The following TAF4 variants were observed in gnomAD, a reference collection of about 807,000 sequenced individuals.
TAF4 encodes the protein transcription initiation factor TFIID subunit 4.
TAF4 carries 9 observed loss-of-function variants against 90.3 expected under a neutral mutation model. The ratio of observed to expected loss-of-function variants is 0.10; its 90% CI spans 0.06 to 0.17. The LOEUF (loss-of-function observed/expected upper bound fraction) is 0.17. Ranked by LOEUF, TAF4 falls within the 10% of genes least tolerant of loss-of-function variation. TAF4 has a pLI of 1.00. For synonymous variants in TAF4, 818 were observed against 638.9 expected, an observed-to-expected ratio of 1.28 and a Z score of -4.23; for missense variants, 1,351 against 1,370.7, an observed-to-expected ratio of 0.99 and a Z score of 0.23.
chr20:61,984,855 G>C (rs1335620846), intron 14 of TAF4, among the ~76,000 whole-genome samples: 3 of 132,130 alleles, frequency 2.3e-5, no homozygotes, highest in Non-Finnish European at 1.6e-5. Flanking sequence ...CAAAAATGGA[G>C]GGACGGGGAC....
In TAF4 at chr20:62,064,714, G is replaced by C. The variant is rs758645785; in HGVS notation, c.1097C>G (p.Pro366Arg). The change falls in exon 1 of 15, where the codon CCG becomes CGG. Residue 366 changes from proline (P) to arginine (R), a missense_variant. Physicochemically the swap from Pro to Arg is moderately radical, Grantham distance 103 (BLOSUM62 -2). Transcript: ENST00000252996. ...GACCATGCTGGCCGCCGTGCTGGCC[G>C]GGCCGCTGGCCGCCAGGGTCTGCGC... ...PAAQTLAASG[P>R]ASTAASMVIG... 1.6e-6 allele frequency: 2 copies of C among 1,234,302 alleles called. No individual in the cohort carries two copies. Among genetic ancestry groups the C allele is most frequent in the Non-Finnish European group, 2.0e-6 (2 of 991,112 alleles). The allele number at this position is 1,234,302 out of a possible 1,614,324, so 76.5% of individuals were successfully genotyped here.
Position 61,999,081 on chromosome 20 carries a change from C to G in TAF4, c.2815G>C (p.Asp939His). 1 of 1,614,182 alleles carries G rather than the reference C, an allele frequency of 6.2e-7. No homozygotes were observed. The highest frequency in any genetic ancestry group is 8.5e-7 in the Non-Finnish European group (1 of 1,180,048). ...KDDDRYEQAS[D>H]VRAQLKFFEQ... ...AAAAACTTGAGCTGTGCCCGGACGT[C>G]ACTCGCCTGCTCATATCTGTCGTCA... Residue 939 changes from aspartate (D) to histidine (H), a missense_variant, in exon 12 of 15, where the codon GAC becomes CAC. Physicochemically the swap from Asp to His is moderately conservative, Grantham distance 81 (BLOSUM62 -1). This residue lies in a region of TAF4 where 95 missense variants were observed against 151.3 expected (regional missense o/e 0.63). Coordinates refer to ENST00000252996, the MANE Select transcript of TAF4 (RefSeq NM_003185.4).
intron 1 of TAF4, among the ~76,000 whole-genome samples, chr20:62,045,000 G>C (rs1441069414): frequency 6.6e-6 from 1 of 152,208 alleles, no homozygotes; most frequent in African/African-American, 2.4e-5. Context: ...TCAGCCCAGG[G>C]GGAGAAAAGA....
At chr20:62,036,325 CATTA>C (rs1160480656) in intron 1 of TAF4, among the ~76,000 whole-genome samples, 1 of 152,180 alleles carries the variant, frequency 6.6e-6, no homozygotes, top group Admixed American at 6.5e-5. Flanking sequence ...GCGCCTGGCT[CATTA>C]ATTAATTTTT....
chr20:62,046,132 G>T (rs981401606), intron 1 of TAF4, among the ~76,000 whole-genome samples: 1 of 152,142 alleles, frequency 6.6e-6, no homozygotes, highest in Non-Finnish European at 1.5e-5. Context: ...AGACACAAAT[G>T]ACAACCACAG....
At chr20:62,007,325 C>G (rs1030450734) in intron 6 of TAF4, among the ~76,000 whole-genome samples, 8 of 152,218 alleles carry the variant, frequency 5.3e-5, no homozygotes, top group African/African-American at 1.9e-4. Context: ...ACCTTGCGCA[C>G]GACAGAACCA....
intron 14 of TAF4, 103 bp from the exon 15 acceptor site, chr20:61,976,438 A>T: frequency 1.4e-6 from 2 of 1,402,008 alleles, no homozygotes; most frequent in Non-Finnish European, 2.0e-6. Flanking sequence ...AGAGGAGGCC[A>T]GGCCTGGCAC....
chr20:62,054,891 G>A (rs140642883), intron 1 of TAF4, among the ~76,000 whole-genome samples: 42 of 151,970 alleles, frequency 2.8e-4, no homozygotes, highest in Middle Eastern at 6.8e-3. Flanking sequence ...ACCAGCCACC[G>A]ACATTCCCTC....
intron 1 of TAF4, among the ~76,000 whole-genome samples, chr20:62,033,691 T>C (rs6142929): frequency 0.69 from 104,359 of 150,260 alleles, 36,346 homozygotes; most frequent in Middle Eastern, 0.79. Flanking sequence ...GAGATGAGAT[T>C]GTGCTATTGC....
intron 1 of TAF4, among the ~76,000 whole-genome samples, chr20:62,049,632 T>TGCCCCAGCCACGCACCCTGCCC (rs2056014709): frequency 1.4e-5 from 2 of 141,570 alleles, no homozygotes; most frequent in South Asian, 2.3e-4. Flanking sequence ...GATCCCTGCC[T>TGCCCCAGCCACGCACCCTGCCC]GCCCCAGCCC....
rs545455242 is a variant in TAF4, at chr20:62,018,819, T to A, written c.1361-4112A>T. 7.2e-5 allele frequency among the ~76,000 whole-genome samples: 11 copies of A among 152,328 alleles called. No homozygotes were observed. In the South Asian group the frequency reaches 1.7e-3, roughly 23 times the overall value. ...AACACGACATCCGTCCCAAAGACCC[T>A]CAGCATCCTCGTCCAACCAAGATGG... On this transcript the variant is annotated intron_variant, in intron 1 of 14. Transcript: ENST00000252996.
chr20:62,022,277 G>A (rs533623133), intron 1 of TAF4, among the ~76,000 whole-genome samples: 16 of 152,162 alleles, frequency 1.1e-4, no homozygotes, highest in Admixed American at 3.3e-4. Context: ...ATGGAGAGGT[G>A]GGAAGGGTCA....
At chr20:62,028,663 G>C (rs1312419534) in intron 1 of TAF4, among the ~76,000 whole-genome samples, 1 of 152,192 alleles carries the variant, frequency 6.6e-6, no homozygotes, top group African/African-American at 2.4e-5. Context: ...CCTGGGAGCA[G>C]AGCCCTGCTG....
At chr20:61,979,647 C>T (rs2123090067) in intron 14 of TAF4, among the ~76,000 whole-genome samples, 1 of 144,468 alleles carries the variant, frequency 6.9e-6, no homozygotes, top group South Asian at 2.2e-4. Context: ...GCGGCCCGTG[C>T]AGGCGCCATG....
chr20:61,998,874 A>G (rs1238863077), intron 12 of TAF4, 109 bp downstream of exon 12: 7 of 1,451,252 alleles, frequency 4.8e-6, no homozygotes, highest in Non-Finnish European at 4.6e-6. Context: ...CTTCAAGGCC[A>G]GCCCAAAACA....
intron 14 of TAF4, among the ~76,000 whole-genome samples, chr20:61,982,230 T>G (rs55742737): frequency 9.3e-5 from 1 of 10,776 alleles, no homozygotes; most frequent in African/African-American, 4.2e-4. Context: ...CCACACCCAC[T>G]GAGAGGAAAC....
At chr20:62,033,140 G>T (rs2055913554) in intron 1 of TAF4, among the ~76,000 whole-genome samples, 1 of 152,188 alleles carries the variant, frequency 6.6e-6, no homozygotes, top group South Asian at 2.1e-4. Flanking sequence ...CAGGAGAAGA[G>T]TGAGGCCACA....
Position 62,043,563 on chromosome 20 carries a change from G to A in TAF4, c.1360+20888C>T, listed in dbSNP as rs562302329. Among the ~76,000 whole-genome samples, 8 of 152,240 alleles carry A rather than the reference G, an allele frequency of 5.3e-5. No homozygotes were observed. In the East Asian group the frequency reaches 1.5e-3, roughly 29 times the overall value. ...GTCCCAGGCCTCTCAGACTCCCGCA[G>A]AGCAACACCCAGTCCTGCAAGCGCC... On this transcript the variant is annotated intron_variant, in intron 1 of 14. Transcript: ENST00000252996.
At chr20:61,983,306 A>G (rs1699897101) in intron 14 of TAF4, among the ~76,000 whole-genome samples, 1 of 152,166 alleles carries the variant, frequency 6.6e-6, no homozygotes, top group South Asian at 2.1e-4. Flanking sequence ...AAAAAAAAAA[A>G]AATCAATTAA....
Sources: allele counts gnomAD v4.1 joint callset (sites outside exome capture counted in the v4.1 genomes callset), GRCh38; gene constraint gnomAD v4.1.1; regional missense constraint gnomAD v4.1.1; transcripts MANE v1.5; gene names NCBI Gene and HGNC (gene_info 2026-07-23, HGNC 2026-07-21).